Variants in NXNL2 observed in about 807,000 individuals in gnomAD.
The protein encoded by NXNL2 is nucleoredoxin-like protein 2.
A neutral mutation model predicts 11.1 loss-of-function variants in NXNL2; 7 were observed. The observed-to-expected ratio is 0.63, with a 90% confidence interval of 0.36 to 1.18. The LOEUF is 1.18. NXNL2 is among the 50% of genes most tolerant of loss of function. The pLI, the probability that NXNL2 is intolerant of heterozygous loss-of-function variation, is 0.02. For synonymous variants in NXNL2, 109 were observed against 101.8 expected (o/e 1.07, Z -0.42); for missense variants, 233 against 217.7 (o/e 1.07, Z -0.44).
At chr9:88,548,595 G>A (rs1408878584), downstream of NXNL2, among the ~76,000 whole-genome samples, 1 of 150,298 alleles carries the variant, frequency 6.7e-6, no homozygotes, top group Non-Finnish European at 1.5e-5. Context: ...GGCTGAGGTG[G>A]GAGGCTGAGC....
At chr9:88,572,757 G>A (rs1830291425) in intron 2 of NXNL2, among the ~76,000 whole-genome samples, 1 of 152,218 alleles carries the variant, frequency 6.6e-6, no homozygotes, top group African/African-American at 2.4e-5. Flanking sequence ...TGAGTTAGGA[G>A]AAGGAGGTCC....
chr9:88,551,708 T>G (rs1829935052), intron 1 of NXNL2, among the ~76,000 whole-genome samples: 1 of 152,186 alleles, frequency 6.6e-6, no homozygotes, highest in Non-Finnish European at 1.5e-5. Flanking sequence ...AGAACATCAG[T>G]GGGGCTTGTT....
rs1829822653 is a variant in NXNL2 at position 88,544,592 on chromosome 9, G to C, written c.*45G>C. On this transcript the variant is annotated 3_prime_UTR_variant, in exon 2 of 2. Transcript: ENST00000375854. ...GGCCAGGACAGGTGCTGCTTCTCCA[G>C]CACCGACGCTGGGGCAAAGAGGAGC... 1 of 1,469,502 alleles carries C rather than the reference G, an allele frequency of 6.8e-7. No individual in the cohort carries two copies. Among genetic ancestry groups the C allele is most frequent in the Admixed American group, 2.5e-5 (1 of 40,030 alleles). 91.0% of individuals were successfully genotyped at this position (1,469,502 alleles called of 1,614,324 possible). A position where few individuals can be genotyped will look rare whatever the true frequency, so the allele number is the denominator to read the frequency against.
downstream of NXNL2, among the ~76,000 whole-genome samples, chr9:88,549,139 C>T (rs1829892144): frequency 6.6e-6 from 1 of 152,208 alleles, no homozygotes; most frequent in South Asian, 2.1e-4. Context: ...AACCTGAACC[C>T]TCCACTGGCT....
At chr9:88,543,853 C>G (rs898239637) in intron 1 of NXNL2, among the ~76,000 whole-genome samples, 2 of 152,174 alleles carry the variant, frequency 1.3e-5, no homozygotes, top group Non-Finnish European at 2.9e-5. Context: ...AGGCAGCTCT[C>G]TGGTGTGGAA....
chr9:88,557,764 A>T (rs1830036715), intron 1 of NXNL2, among the ~76,000 whole-genome samples: 1 of 152,228 alleles, frequency 6.6e-6, no homozygotes, highest in African/African-American at 2.4e-5. Flanking sequence ...CACTCATCAG[A>T]ATCCCTGCAG....
At chr9:88,558,712 G>A (rs547521015) in intron 1 of NXNL2, among the ~76,000 whole-genome samples, 34 of 152,244 alleles carry the variant, frequency 2.2e-4, no homozygotes, top group African/African-American at 7.7e-4. Context: ...AAATGGAATC[G>A]AATTATAAGA....
chr9:88,581,439 CTT>C (rs5899045), intron 1 of NXNL2, among the ~76,000 whole-genome samples: 52 of 147,570 alleles, frequency 3.5e-4, no homozygotes, highest in Admixed American at 4.7e-4. Context: ...ACCACTTTTT[CTT>C]TTTTTTTTTT....
downstream of NXNL2, among the ~76,000 whole-genome samples, chr9:88,549,396 C>G (rs1051696075): frequency 1.3e-5 from 2 of 152,190 alleles, no homozygotes; most frequent in Admixed American, 6.5e-5. Context: ...TGTTGGAATA[C>G]ATCCTCTAAT....
intron 1 of NXNL2, among the ~76,000 whole-genome samples, chr9:88,558,963 C>A (rs1157098640): frequency 1.3e-5 from 2 of 152,142 alleles, no homozygotes; most frequent in African/African-American, 2.4e-5. Flanking sequence ...CTGTCCCCAT[C>A]TTTCCCCTTA....
At chr9:88,565,237 C>T (rs1162758751) in intron 1 of NXNL2, among the ~76,000 whole-genome samples, 3 of 152,102 alleles carry the variant, frequency 2.0e-5, no homozygotes, top group Admixed American at 6.6e-5. Context: ...ATGTGTGTAC[C>T]ACATGTTTTA....
At chr9:88,535,804 C>G (rs1182117908) in intron 1 of NXNL2, 68 bp downstream of exon 1, 10 of 1,330,304 alleles carry the variant, frequency 7.5e-6, no homozygotes, top group South Asian at 1.4e-5. Flanking sequence ...CAGGCCTCCC[C>G]CTCTGCACTG....
At chr9:88,578,108 G>C (rs1252924504), downstream of NXNL2, among the ~76,000 whole-genome samples, 1 of 152,210 alleles carries the variant, frequency 6.6e-6, no homozygotes, top group South Asian at 2.1e-4. Context: ...TGGGGTGGTA[G>C]AGGGCACCCC....
At chr9:88,545,797 A>T (rs893997629), downstream of NXNL2, among the ~76,000 whole-genome samples, 2 of 150,780 alleles carry the variant, frequency 1.3e-5, no homozygotes, top group African/African-American at 4.9e-5. Flanking sequence ...ATGGAGTTTC[A>T]CTCTTGTTGC....
At chr9:88,536,416 G>C (rs540031595) in intron 1 of NXNL2, among the ~76,000 whole-genome samples, 2 of 152,172 alleles carry the variant, frequency 1.3e-5, no homozygotes, top group African/African-American at 4.8e-5. Flanking sequence ...AAAGGAGGGG[G>C]TAGGGATTGG....
At chr9:88,558,832 G>T (rs1031185992) in intron 1 of NXNL2, among the ~76,000 whole-genome samples, 4 of 152,102 alleles carry the variant, frequency 2.6e-5, no homozygotes, top group East Asian at 1.9e-4. Context: ...AAATACCTTG[G>T]TTTTTCCTGT....
intron 1 of NXNL2, among the ~76,000 whole-genome samples, chr9:88,564,322 TATC>T (rs1051760227): frequency 4.0e-5 from 6 of 149,608 alleles, no homozygotes; most frequent in East Asian, 3.9e-4. Flanking sequence ...TCTATCTATC[TATC>T]GTCTATTTAT....
chr9:88,570,470 A>G (rs139694952), intron 1 of NXNL2, among the ~76,000 whole-genome samples: 24 of 152,264 alleles, frequency 1.6e-4, no homozygotes, highest in East Asian at 5.8e-4. Flanking sequence ...TGGTGAATAG[A>G]ATATGGAGAT....
intron 1 of NXNL2, among the ~76,000 whole-genome samples, chr9:88,582,637 CCCCT>C (rs564425117): frequency 1.7e-3 from 250 of 144,056 alleles, no homozygotes; most frequent in African/African-American, 5.7e-3. Flanking sequence ...CCTCCCTCCT[CCCCT>C]CCCTCCCTCC....
Sources: gnomAD v4.1 joint callset for allele counts (sites outside exome capture counted in the v4.1 genomes callset) on GRCh38, gnomAD v4.1.1 for gene constraint, MANE v1.5 for transcripts, NCBI Gene and HGNC (gene_info 2026-07-23, HGNC 2026-07-21) for gene names.